The following FAM135B variants were observed in gnomAD, a reference collection of about 807,000 sequenced individuals.
FAM135B encodes the protein family with sequence similarity 135 member B.
FAM135B carries 43 observed loss-of-function variants against 127.7 expected under a neutral mutation model. The observed-to-expected ratio is 0.34, with a 90% CI of 0.26 to 0.43. FAM135B has a LOEUF of 0.43. Among genes scored for constraint, FAM135B ranks in the 20% least tolerant of loss-of-function variants. The probability of loss-of-function intolerance (pLI) is 1.00; values close to 1 mark genes in which losing one functional copy is unlikely to be tolerated. For missense variants in FAM135B, 1,558 were observed against 1,725.6 expected (o/e 0.90, Z 1.72); for synonymous variants, 670 against 665.1 (o/e 1.01, Z -0.11).
At position 138,153,030 on chromosome 8, in the gene FAM135B, G is replaced by A. The variant is rs13280444; in HGVS notation, c.1445C>T (p.Pro482Leu). 0.36 allele frequency: 588,308 copies of A among 1,613,032 alleles called. 111,336 individuals are homozygous for A. The highest frequency in any genetic ancestry group is 0.55 in the East Asian group (24,550 of 44,830). The change falls in exon 13 of 20, where the codon CCA becomes CTA. Residue 482 changes from proline to leucine, a missense_variant. By Grantham distance (98) the Pro-to-Leu change is moderately conservative. This residue lies in a region of FAM135B where 923 missense variants were observed against 865.3 expected (regional missense o/e 1.07). Transcript: ENST00000395297. The part of the protein sequence containing the change: ...SDEEVIRCPE[P>L]GENVATQNHM... Reference sequence around the variant, plus strand: ...ATTTTGTGTGGCCACATTCTCACCTGGCTCTGGACACCTTATAACTTCTTC... The same window carrying A: ...ATTTTGTGTGGCCACATTCTCACCTAGCTCTGGACACCTTATAACTTCTTC...
chr8:138,394,527 A>G (rs947866619), intron 1 of FAM135B, among the ~76,000 whole-genome samples: 1 of 152,100 alleles, frequency 6.6e-6, no homozygotes, highest in African/African-American at 2.4e-5. Flanking sequence ...TTGCCAATAT[A>G]CTCTACTGCC....
chr8:138,496,745 C>A lies in FAM135B; in HGVS notation c.-94G>T. On this transcript the variant is annotated 5_prime_UTR_variant, in exon 1 of 20. Transcript: ENST00000395297. ...TGGGTCCCTCTCTCTCCTCTTTCGCCGTCTCTGGCCGCCAACAGTTGCGGC... is the reference window on the plus strand; with the variant it reads ...TGGGTCCCTCTCTCTCCTCTTTCGCAGTCTCTGGCCGCCAACAGTTGCGGC... 6.5e-6 allele frequency: 1 copy of A among 154,202 alleles called. No homozygotes were observed. The highest frequency in any genetic ancestry group is 1.9e-4 in the South Asian group (1 of 5,144). The allele number at this position is 154,202 out of a possible 1,614,324, so 9.6% of individuals were successfully genotyped here.
intron 1 of FAM135B, among the ~76,000 whole-genome samples, chr8:138,473,056 C>T (rs942031591): frequency 1.3e-5 from 2 of 152,144 alleles, no homozygotes; most frequent in African/African-American, 4.8e-5. Flanking sequence ...TAGGAATAAA[C>T]TGAGATGAAT....
chr8:138,386,034 C>T lies in FAM135B; in HGVS notation c.-19-18032G>A, dbSNP rs554975169. Among the ~76,000 whole-genome samples, 7 of 151,890 alleles carry T rather than the reference C, an allele frequency of 4.6e-5. No homozygotes were observed. The East Asian group carries it at 7.8e-4, about 17-fold the overall frequency. The stretch of plus-strand genomic sequence containing the variant: ...TCAAGAGTTCGAGACCAGCCTGACA[C>T]GGTGAAACCTCCACTCTACTAAAAA... On this transcript the variant is annotated intron_variant, in intron 1 of 19. Transcript: ENST00000395297.
rs2130748476 is a variant in FAM135B, at chr8:138,151,919, C to T, written c.2556G>A (p.Gly852=). 2 of 1,614,212 alleles carry T rather than the reference C, an allele frequency of 1.2e-6. No individual in the cohort carries two copies. ...AGTGTCCTTGAGCATCAAACTGCTT[C>T]CCTTTCCCTTTGGGGATGTCTATGT... ...PGYIDIPKGK[G]KQFDAQGHCL... The change falls in exon 13 of 20, where the codon GGG becomes GGA. Residue 852 remains glycine (G), a synonymous_variant. Transcript: ENST00000395297.
intron 9 of FAM135B, among the ~76,000 whole-genome samples, chr8:138,194,354 G>A (rs1419822558): frequency 6.6e-6 from 1 of 152,174 alleles, no homozygotes; most frequent in Admixed American, 6.5e-5. Context: ...CATTCACTGT[G>A]AGACTGGATT....
At chr8:138,263,957 T>G (rs997357864) in intron 4 of FAM135B, among the ~76,000 whole-genome samples, 7 of 152,152 alleles carry the variant, frequency 4.6e-5, no homozygotes, top group African/African-American at 1.7e-4. Context: ...CATTGCACCC[T>G]TCTAACAAAA....
chr8:138,313,630 A>C (rs868785055), intron 2 of FAM135B, among the ~76,000 whole-genome samples: 1 of 149,006 alleles, frequency 6.7e-6, no homozygotes, highest in Non-Finnish European at 1.5e-5. Context: ...CGGCTCCCCA[A>C]AGTGCTGGGA....
intron 1 of FAM135B, among the ~76,000 whole-genome samples, chr8:138,443,130 A>T (rs1835905604): frequency 6.6e-6 from 1 of 152,134 alleles, no homozygotes; most frequent in Non-Finnish European, 1.5e-5. Context: ...AAGGAGAGAA[A>T]TAGCCCATGA....
At chr8:138,492,495 G>A (rs1198795079) in intron 1 of FAM135B, among the ~76,000 whole-genome samples, 1 of 152,020 alleles carries the variant, frequency 6.6e-6, no homozygotes, top group African/African-American at 2.4e-5. Context: ...CACAGCTGGG[G>A]AGAGCATCCT....
chr8:138,403,316 G>A (rs759898866), intron 1 of FAM135B, among the ~76,000 whole-genome samples: 3 of 151,972 alleles, frequency 2.0e-5, no homozygotes, highest in Middle Eastern at 3.4e-3. Flanking sequence ...ATGCTTTTAC[G>A]TGAGAGAACC....
intron 1 of FAM135B, among the ~76,000 whole-genome samples, chr8:138,372,191 C>A (rs1165491768): frequency 1.3e-5 from 2 of 152,246 alleles, no homozygotes; most frequent in Non-Finnish European, 2.9e-5. Flanking sequence ...TCATCTCAAC[C>A]TCAGCTCACC....
intron 3 of FAM135B, among the ~76,000 whole-genome samples, chr8:138,299,039 G>A (rs559026500): frequency 5.3e-5 from 8 of 151,008 alleles, no homozygotes; most frequent in South Asian, 4.2e-4. Context: ...CAGCCTGGGC[G>A]ATAGAGTGAG....
At chr8:138,218,766 C>CAG (rs34578685) in intron 7 of FAM135B, among the ~76,000 whole-genome samples, 13,856 of 79,486 alleles carry the variant, frequency 0.17, 490 homozygotes, top group East Asian at 0.34. Flanking sequence ...CACACACACA[C>CAG]AGAGAGAGAG....
intron 1 of FAM135B, among the ~76,000 whole-genome samples, chr8:138,427,825 C>A (rs1834983720): frequency 6.6e-6 from 1 of 152,134 alleles, no homozygotes; most frequent in Admixed American, 6.6e-5. Context: ...GCCTGTACTT[C>A]ATTGATACAT....
intron 2 of FAM135B, among the ~76,000 whole-genome samples, chr8:138,323,183 C>G: frequency 6.6e-6 from 1 of 152,182 alleles, no homozygotes; most frequent in African/African-American, 2.4e-5. Context: ...CTGTGATGAT[C>G]CTCTGCATTT....
chr8:138,300,226 A>AT (rs566109603), intron 3 of FAM135B, among the ~76,000 whole-genome samples: 3 of 151,460 alleles, frequency 2.0e-5, no homozygotes, highest in Non-Finnish European at 2.9e-5. Context: ...AGAGGTCCTT[A>AT]TACCCGTGTC....
chr8:138,487,716 T>A (rs1025546971), intron 1 of FAM135B, among the ~76,000 whole-genome samples: 2 of 152,002 alleles, frequency 1.3e-5, no homozygotes, highest in Non-Finnish European at 2.9e-5. Flanking sequence ...ACTTGTCACT[T>A]GTCAGCCAGG....
intron 1 of FAM135B, among the ~76,000 whole-genome samples, chr8:138,418,206 G>C (rs889369089): frequency 6.6e-6 from 1 of 152,128 alleles, no homozygotes; most frequent in Non-Finnish European, 1.5e-5. Flanking sequence ...GAATCTCAGA[G>C]CTTGAATACT....
Sources: gnomAD v4.1 joint callset for allele counts (sites outside exome capture counted in the v4.1 genomes callset) on GRCh38, gnomAD v4.1.1 for gene constraint, gnomAD v4.1.1 regional missense constraint, MANE v1.5 for transcripts, NCBI Gene and HGNC (gene_info 2026-07-23, HGNC 2026-07-21) for gene names.